Variants in PRKAG2 observed in about 807,000 individuals in gnomAD.
PRKAG2 encodes the protein 5'-AMP-activated protein kinase subunit gamma-2.
In PRKAG2, 26 loss-of-function variants were observed where a neutral mutation model predicts 69.6. The observed-to-expected ratio is 0.37, with a 90% confidence interval of 0.27 to 0.52. The LOEUF (loss-of-function observed/expected upper bound fraction) is 0.52. PRKAG2 is among the 20% of genes least tolerant of loss of function. The pLI is 0.90. For missense variants in PRKAG2, 557 were observed against 740.0 expected, an observed-to-expected ratio of 0.75 and a Z score of 2.87; for synonymous variants, 293 against 285.0, an observed-to-expected ratio of 1.03 and a Z score of -0.28.
At chr7:151,688,521 C>T (rs1432628901) in intron 3 of PRKAG2, among the ~76,000 whole-genome samples, 1 of 152,164 alleles carries the variant, frequency 6.6e-6, no homozygotes, top group Non-Finnish European at 1.5e-5. Flanking sequence ...ATGCCTCTTT[C>T]AGGGAGGCCT....
At chr7:151,751,732 T>TGA (rs1290725451) in intron 3 of PRKAG2, among the ~76,000 whole-genome samples, 1 of 151,624 alleles carries the variant, frequency 6.6e-6, no homozygotes, top group East Asian at 2.0e-4. Context: ...GCTACGGTCT[T>TGA]GAACTCCTGA....
intron 1 of PRKAG2, among the ~76,000 whole-genome samples, chr7:151,832,298 A>AGGAAGGGAGGAGGGAAGGAAG: frequency 6.7e-6 from 1 of 148,348 alleles, no homozygotes; most frequent in Admixed American, 6.7e-5. Context: ...GAGGGAGGGA[A>AGGAAGGGAGGAGGGAAGGAAG]TAAATCTGAG....
In PRKAG2 at chr7:151,556,372, T is replaced by A. The variant is rs1021425189; in HGVS notation, c.*829A>T. The A allele has an allele frequency of 1.3e-5, 2 of 152,470 alleles. No homozygotes were observed. Among genetic ancestry groups the A allele is most frequent in the Non-Finnish European group, 2.9e-5 (2 of 68,018 alleles). The allele number at this position is 152,470 out of a possible 1,614,324, so 9.4% of individuals were successfully genotyped here. A position where few individuals can be genotyped will look rare whatever the true frequency, so the allele number is the denominator to read the frequency against. The stretch of plus-strand genomic sequence containing the variant: ...ACATTTCAATACACAAGAAAAAAAA[T>A]AGACATCTTCCCGGCACTTGGCTCC... On this transcript the variant is annotated 3_prime_UTR_variant, in exon 16 of 16. Coordinates refer to ENST00000287878, the MANE Select transcript of PRKAG2 (RefSeq NM_016203.4).
intron 1 of PRKAG2, among the ~76,000 whole-genome samples, chr7:151,849,601 G>A (rs2079523021): frequency 6.6e-6 from 1 of 152,144 alleles, no homozygotes; most frequent in Admixed American, 6.5e-5. Context: ...ATCAAGGGGT[G>A]GGCAGGGCCG....
intron 5 of PRKAG2, among the ~76,000 whole-genome samples, chr7:151,598,585 A>T (rs1815208504): frequency 6.6e-6 from 1 of 152,192 alleles, no homozygotes; most frequent in Non-Finnish European, 1.5e-5. Flanking sequence ...TGTCAACCAA[A>T]AATAAAACTT....
At chr7:151,794,696 GT>G (rs1324988602) in intron 1 of PRKAG2, among the ~76,000 whole-genome samples, 1 of 152,262 alleles carries the variant, frequency 6.6e-6, no homozygotes, top group Non-Finnish European at 1.5e-5. Flanking sequence ...GACACTGGCT[GT>G]CCCCCTTATA....
At chr7:151,808,545 G>A (rs1016754456) in intron 1 of PRKAG2, among the ~76,000 whole-genome samples, 2 of 152,068 alleles carry the variant, frequency 1.3e-5, no homozygotes, top group Non-Finnish European at 2.9e-5. Flanking sequence ...GCAGACGGGC[G>A]AGACCCAGGA....
intron 3 of PRKAG2, among the ~76,000 whole-genome samples, chr7:151,716,739 T>C (rs776608949): frequency 1.7e-4 from 26 of 152,222 alleles, no homozygotes; most frequent in Admixed American, 2.0e-4. Context: ...GTCAGTGTTT[T>C]GAATTCCTGA....
chr7:151,614,364 C>G lies in PRKAG2; in HGVS notation c.754+17705G>C, dbSNP rs1327288387. ...AGGCCATGGGGTCGGTTACGTTGGG[C>G]GCTTGGCATGTGCTCTGTACTACTT... On this transcript the variant is annotated intron_variant, in intron 5 of 15. Transcript: ENST00000287878. This position sits in a 1 kb window ranked among gnomAD's most constrained non-coding sequence, Gnocchi z 4.4. Among the ~76,000 whole-genome samples the G allele has an allele frequency of 6.6e-6, 1 of 152,062 alleles. No individual in the cohort carries two copies. The highest frequency in any genetic ancestry group is 1.5e-5 in the Non-Finnish European group (1 of 68,010).
At chr7:151,557,574 T>G in intron 15 of PRKAG2, 1 of 985,170 alleles carries the variant, frequency 1.0e-6, no homozygotes, top group Non-Finnish European at 1.2e-6. Context: ...AAATATGTAT[T>G]AAAAAAAGGT....
intron 1 of PRKAG2, among the ~76,000 whole-genome samples, chr7:151,838,535 C>T (rs545658964): frequency 5.9e-5 from 9 of 151,576 alleles, no homozygotes; most frequent in Non-Finnish European, 1.3e-4. Context: ...TGGTAAAACC[C>T]GTCTCTACAA....
At chr7:151,564,006 A>G (rs1309493758) in intron 14 of PRKAG2, 72 bp downstream of exon 14, 1 of 1,603,824 alleles carries the variant, frequency 6.2e-7, no homozygotes, top group African/African-American at 1.3e-5. Flanking sequence ...TCAGGCTTCC[A>G]GAGGCATCAT....
intron 3 of PRKAG2, among the ~76,000 whole-genome samples, chr7:151,725,319 A>G (rs1423887977): frequency 2.0e-5 from 3 of 152,122 alleles, no homozygotes; most frequent in African/African-American, 7.2e-5. Flanking sequence ...TCCGCTGACG[A>G]GAGGTCCCTG....
chr7:151,667,217 G>A (rs923085450), intron 4 of PRKAG2, among the ~76,000 whole-genome samples: 1 of 152,164 alleles, frequency 6.6e-6, no homozygotes, highest in Non-Finnish European at 1.5e-5. Flanking sequence ...TTCACCCTCT[G>A]CCCAATCTTC....
chr7:151,751,097 C>CTTT (rs2074642199), intron 3 of PRKAG2, among the ~76,000 whole-genome samples: 1 of 139,642 alleles, frequency 7.2e-6, no homozygotes, highest in Non-Finnish European at 1.5e-5. Flanking sequence ...TTCAAAGATT[C>CTTT]CTTTTTTTTT....
Position 151,825,688 on chromosome 7 carries a change from C to T in PRKAG2, c.115-39147G>A, listed in dbSNP as rs564748099. The stretch of plus-strand genomic sequence containing the variant: ...CTTCCTGCCCTGTTTGTCTCTGGGA[C>T]GCTCCTCAGGCCCACATCTCCTTTC... On this transcript the variant is annotated intron_variant, in intron 1 of 15. Coordinates refer to ENST00000287878, the MANE Select transcript of PRKAG2 (RefSeq NM_016203.4). Among the ~76,000 whole-genome samples, 147 of 152,336 alleles carry T rather than the reference C, an allele frequency of 9.6e-4. No individual in the cohort carries two copies. In the South Asian group the frequency reaches 0.017, roughly 18 times the overall value.
In PRKAG2 at chr7:151,565,798, G is replaced by A; in HGVS notation, c.1321C>T (p.Pro441Ser). The A allele has an allele frequency of 6.2e-7, 1 of 1,612,020 alleles. No individual in the cohort carries two copies. The highest frequency in any genetic ancestry group is 1.7e-5 in the Admixed American group (1 of 60,016). The change falls in exon 12 of 16, where the codon CCA becomes TCA. Residue 441 changes from proline (P) to serine (S), a missense_variant. Around this residue, in one of 2 missense-constraint regions of PRKAG2, gnomAD observed 205 missense variants for 383.4 expected, o/e 0.53. Transcript: ENST00000287878. The stretch of plus-strand genomic sequence containing the variant: ...AAGGCTTTGATGATGGGAGTGTCTG[G>A]ATGTATGAAGGCAATGTTGTGGTAC... ...GTYHNIAFIH[P>S]DTPIIKALNI...
At chr7:151,718,447 C>T (rs1796520653) in intron 3 of PRKAG2, among the ~76,000 whole-genome samples, 1 of 152,068 alleles carries the variant, frequency 6.6e-6, no homozygotes, top group Non-Finnish European at 1.5e-5. Flanking sequence ...ACGATCTGGT[C>T]CACAGCACGG....
intron 3 of PRKAG2, among the ~76,000 whole-genome samples, chr7:151,705,510 G>A (rs921250377): frequency 6.6e-6 from 1 of 152,148 alleles, no homozygotes; most frequent in Non-Finnish European, 1.5e-5. Flanking sequence ...TGGGCGAGGG[G>A]ACAGCCGACT....
Sources: gnomAD v4.1 joint callset for allele counts (sites outside exome capture counted in the v4.1 genomes callset) on GRCh38, gnomAD v4.1.1 for gene constraint, gnomAD v4.1.1 regional missense constraint, Gnocchi (gnomAD v3.1) non-coding constraint, MANE v1.5 for transcripts, NCBI Gene and HGNC (gene_info 2026-07-23, HGNC 2026-07-21) for gene names.